Variants in TSC22D1 observed in about 807,000 individuals in gnomAD.
TSC22D1 encodes TSC22 domain family protein 1.
In TSC22D1, 9 loss-of-function variants were observed where a neutral mutation model predicts 74.2. The ratio of observed to expected loss-of-function variants is 0.12; its 90% confidence interval spans 0.07 to 0.21. The LOEUF is 0.21. Ranked by LOEUF, TSC22D1 falls within the 10% of genes least tolerant of loss-of-function variation. TSC22D1 has a pLI of 1.00. For missense variants in TSC22D1, 1,427 were observed against 1,304.7 expected (o/e 1.09, Z -1.44); for synonymous variants, 586 against 492.5 (o/e 1.19, Z -2.51).
intron 1 of TSC22D1, among the ~76,000 whole-genome samples, chr13:44,509,418 C>A: frequency 6.6e-6 from 1 of 152,200 alleles, no homozygotes; most frequent in East Asian, 1.9e-4. Context: ...GCAGGCAGAT[C>A]ACTTGAGGTC....
intron 1 of TSC22D1, among the ~76,000 whole-genome samples, chr13:44,448,526 G>A (rs112172856): frequency 6.2e-4 from 95 of 152,242 alleles, no homozygotes; most frequent in African/African-American, 2.2e-3. Context: ...TGTAGTACAG[G>A]CCTAGGTAAG....
intron 1 of TSC22D1, among the ~76,000 whole-genome samples, chr13:44,524,252 C>T (rs28405066): frequency 0.16 from 24,811 of 151,434 alleles, 2,534 homozygotes; most frequent in African/African-American, 0.29. Flanking sequence ...ACTAGTGAAG[C>T]TGTCACTCCT....
chr13:44,432,500 C>T lies in TSC22D1; in HGVS notation c.*2126G>A, dbSNP rs991636591. 1.1e-4 allele frequency: 17 copies of T among 152,148 alleles called. No homozygotes were observed. Among genetic ancestry groups the T allele is most frequent in the African/African-American group, 3.9e-4 (16 of 41,426 alleles). 9.4% of individuals were successfully genotyped at this position (152,148 alleles called of 1,614,324 possible). On this transcript the variant is annotated 3_prime_UTR_variant, in exon 3 of 3. Transcript: ENST00000458659. The stretch of plus-strand genomic sequence containing the variant: ...TTTTCTTTACGTCCTTTTCAAATTC[C>T]CCCAAAATATCTTTATGACAACTGC...
chr13:44,495,593 T>A (rs544668423), intron 1 of TSC22D1, among the ~76,000 whole-genome samples: 2 of 152,114 alleles, frequency 1.3e-5, no homozygotes, highest in South Asian at 4.1e-4. Context: ...CATAAAACAA[T>A]AATCATAAAT....
chr13:44,542,104 A>G (rs1440276388), intron 1 of TSC22D1, among the ~76,000 whole-genome samples: 1 of 152,142 alleles, frequency 6.6e-6, no homozygotes, highest in Non-Finnish European at 1.5e-5. Flanking sequence ...TTCAGAAATT[A>G]TAATTAAGAT....
intron 1 of TSC22D1, among the ~76,000 whole-genome samples, chr13:44,551,310 G>GGGGTGTGTGTGT (rs1555272439): frequency 9.0e-4 from 119 of 132,856 alleles, no homozygotes; most frequent in African/African-American, 3.3e-3. Flanking sequence ...ATCAGCTGGG[G>GGGGTGTGTGTGT]GTGTGTGTGT....
chr13:44,528,960 A>G (rs1259952508), intron 1 of TSC22D1, among the ~76,000 whole-genome samples: 8 of 152,120 alleles, frequency 5.3e-5, no homozygotes. Context: ...GCCCATATCT[A>G]TTAAAGAAAT....
intron 1 of TSC22D1, among the ~76,000 whole-genome samples, chr13:44,527,265 C>T (rs919331731): frequency 1.3e-5 from 2 of 151,886 alleles, no homozygotes; most frequent in Admixed American, 6.6e-5. Flanking sequence ...AAAAACAAAA[C>T]GTTTATTTTA....
At chr13:44,551,389 G>GGGGGGTGTGTGGGT (rs1555272493) in intron 1 of TSC22D1, among the ~76,000 whole-genome samples, 1 of 125,252 alleles carries the variant, frequency 8.0e-6, no homozygotes, top group Non-Finnish European at 1.7e-5. Flanking sequence ...CAATCAGATG[G>GGGGGGTGTGTGGGT]GTGTGTGTGT....
At chr13:44,448,647 G>C (rs992359945) in intron 1 of TSC22D1, among the ~76,000 whole-genome samples, 3 of 152,130 alleles carry the variant, frequency 2.0e-5, no homozygotes, top group Admixed American at 2.0e-4. Context: ...GCCTCCATGG[G>C]CAGCAGCTCT....
chr13:44,521,206 A>G (rs1228054875), intron 1 of TSC22D1, among the ~76,000 whole-genome samples: 2 of 152,202 alleles, frequency 1.3e-5, no homozygotes, highest in African/African-American at 4.8e-5. Context: ...TGGGACTTCT[A>G]GGACGCTAAC....
chr13:44,564,138 C>T (rs1883217401), intron 1 of TSC22D1, among the ~76,000 whole-genome samples: 2 of 151,986 alleles, frequency 1.3e-5, no homozygotes, highest in Middle Eastern at 7.1e-3. Flanking sequence ...AATAGAAGTT[C>T]TCCTTGGTTT....
chr13:44,467,967 T>C (rs1247164898), intron 1 of TSC22D1, among the ~76,000 whole-genome samples: 1 of 151,620 alleles, frequency 6.6e-6, no homozygotes, highest in African/African-American at 2.4e-5. Context: ...TAATTCACAA[T>C]TGCAAAAATA....
intron 1 of TSC22D1, among the ~76,000 whole-genome samples, chr13:44,532,228 A>G (rs1012479640): frequency 1.3e-5 from 2 of 152,220 alleles, no homozygotes; most frequent in African/African-American, 4.8e-5. Context: ...GCAGATACGG[A>G]CTACTAGCCT....
chr13:44,539,805 TA>T, intron 1 of TSC22D1: 1 of 1,288,974 alleles, frequency 7.8e-7, no homozygotes, highest in South Asian at 1.2e-5. Context: ...AGAAGCTGGA[TA>T]TTCTGTCTCC....
chr13:44,520,301 A>G (rs1270750938), intron 1 of TSC22D1, among the ~76,000 whole-genome samples: 2 of 152,200 alleles, frequency 1.3e-5, no homozygotes, highest in African/African-American at 2.4e-5. Context: ...AATAGCACCC[A>G]AAGTGTGAAG....
At chr13:44,472,241 C>T (rs566139269) in intron 1 of TSC22D1, among the ~76,000 whole-genome samples, 12 of 152,168 alleles carry the variant, frequency 7.9e-5, no homozygotes, top group African/African-American at 2.4e-4. Context: ...GAATGTGACC[C>T]CTGGAATAAA....
intron 1 of TSC22D1, among the ~76,000 whole-genome samples, chr13:44,524,422 C>T (rs772979920): frequency 2.6e-5 from 4 of 152,174 alleles, no homozygotes; most frequent in Admixed American, 2.6e-4. Context: ...GCAACTATTG[C>T]TGAAGCCAAC....
chr13:44,551,787 A>C (rs1882298142), intron 1 of TSC22D1, among the ~76,000 whole-genome samples: 1 of 152,012 alleles, frequency 6.6e-6, no homozygotes, highest in African/African-American at 2.4e-5. Context: ...TGTAATCCCA[A>C]CACTTTGGGA....
Sources: gnomAD v4.1 joint callset for allele counts (sites outside exome capture counted in the v4.1 genomes callset) on GRCh38, gnomAD v4.1.1 for gene constraint, MANE v1.5 for transcripts, NCBI Gene and HGNC (gene_info 2026-07-23, HGNC 2026-07-21) for gene names.